RNF115: variants seen among roughly 807,000 people sequenced by gnomAD.
RNF115 encodes the protein ring finger protein 115.
A neutral mutation model predicts 39.2 loss-of-function variants in RNF115; 31 were observed. That is an observed-to-expected ratio of 0.79 (90% confidence interval 0.59 to 1.07). RNF115 has a LOEUF of 1.07. Ranked by LOEUF, RNF115 falls within the 50% of genes least tolerant of loss-of-function variation. The pLI, the probability that RNF115 is intolerant of heterozygous loss-of-function variation, is 0.00. For missense variants in RNF115, 384 were observed against 381.7 expected, an observed-to-expected ratio of 1.01 and a Z score of -0.05; for synonymous variants, 124 against 131.0, an observed-to-expected ratio of 0.95 and a Z score of 0.37.
chr1:145,756,831 CTTT>C (rs142073195), intron 4 of RNF115, among the ~76,000 whole-genome samples: 3 of 67,830 alleles, frequency 4.4e-5, no homozygotes, highest in Admixed American at 3.9e-4. Context: ...TTTCTAGCTT[CTTT>C]TTTTTTTTTT....
rs587649068 is a variant in RNF115 at position 145,747,968 on chromosome 1, A to G, written c.783+27T>C. 357 of 1,441,790 alleles carry G rather than the reference A, an allele frequency of 2.5e-4. 4 individuals carry two copies. In the South Asian group the frequency reaches 3.9e-3, roughly 16 times the overall value. The allele number at this position is 1,441,790 out of a possible 1,614,324, so 89.3% of individuals were successfully genotyped here. On this transcript the variant is annotated intron_variant, in intron 8 of 8. Transcript: ENST00000582693. Reference sequence around the variant, plus strand: ...ATACCTTTACTCTGAATCATCCCCCAAAGAAGCCATGACTTGCTGTACTCA... The same window carrying G: ...ATACCTTTACTCTGAATCATCCCCCGAAGAAGCCATGACTTGCTGTACTCA...
intron 1 of RNF115, among the ~76,000 whole-genome samples, chr1:145,800,082 C>T (rs1236399606): frequency 6.6e-6 from 1 of 152,146 alleles, no homozygotes; most frequent in Non-Finnish European, 1.5e-5. Context: ...TTGAAATTTT[C>T]CATGATAAAG....
At chr1:145,820,121 T>C (rs1187656221) in intron 1 of RNF115, among the ~76,000 whole-genome samples, 1 of 148,930 alleles carries the variant, frequency 6.7e-6, no homozygotes, top group Non-Finnish European at 1.5e-5. Flanking sequence ...TAGTTCAACA[T>C]AGGCAAATCA....
intron 4 of RNF115, among the ~76,000 whole-genome samples, chr1:145,767,207 C>G (rs1647365021): frequency 2.0e-5 from 3 of 151,830 alleles, no homozygotes; most frequent in Non-Finnish European, 4.4e-5. Flanking sequence ...ACGCTCCTCA[C>G]TTCCCAGACG....
intron 4 of RNF115, among the ~76,000 whole-genome samples, chr1:145,755,362 G>A (rs1658258729): frequency 1.3e-5 from 2 of 152,020 alleles, no homozygotes; most frequent in African/African-American, 4.8e-5. Flanking sequence ...ATGAGGAACT[G>A]AGTACTGCCA....
chr1:145,795,168 A>G (rs587597308), intron 1 of RNF115, among the ~76,000 whole-genome samples: 5 of 152,006 alleles, frequency 3.3e-5, no homozygotes, highest in African/African-American at 7.2e-5. Flanking sequence ...TACAGCTCTT[A>G]AAGTTGGCAC....
chr1:145,796,493 C>T (rs1298098189), intron 1 of RNF115, among the ~76,000 whole-genome samples: 1 of 150,962 alleles, frequency 6.6e-6, no homozygotes, highest in African/African-American at 2.4e-5. Flanking sequence ...GTGGCATGAT[C>T]TCAACTCATT....
chr1:145,755,721 T>C lies in RNF115; in HGVS notation c.429-2672A>G, dbSNP rs116746633. Reference sequence around the variant, plus strand: ...ACTTTGAGGAGAGCATCAGTGAAGTTTGAAGAGCCTTAAAAAAAAACAGAA... The same window carrying C: ...ACTTTGAGGAGAGCATCAGTGAAGTCTGAAGAGCCTTAAAAAAAAACAGAA... On this transcript the variant is annotated intron_variant, in intron 4 of 8. Transcript: ENST00000582693. Among the ~76,000 whole-genome samples the C allele has an allele frequency of 7.0e-3, 1,060 of 152,142 alleles. 4 individuals are homozygous for C. Among genetic ancestry groups the C allele is most frequent in the Non-Finnish European group, 0.011 (752 of 67,992 alleles).
chr1:145,784,549 TGTG>T lies in RNF115; in HGVS notation c.206_208del (p.Thr69_His70delinsAsn). The T allele has an allele frequency of 6.2e-7, 1 of 1,613,890 alleles. No homozygotes were observed. Among genetic ancestry groups the T allele is most frequent in the Non-Finnish European group, 8.5e-7 (1 of 1,179,846 alleles). Reference sequence around the variant, plus strand: ...TAAAGGAAAACTTACCTCTGCAAAATGTGTTGTTGTGGTATTGTCTATCCGACT... The same window carrying T: ...TAAAGGAAAACTTACCTCTGCAAAATTTGTTGTGGTATTGTCTATCCGACT... On this transcript the variant is annotated inframe_deletion, in exon 3 of 9. Coordinates refer to ENST00000582693, the MANE Select transcript of RNF115 (RefSeq NM_014455.4).
chr1:145,818,913 AAG>A (rs1282479201), intron 1 of RNF115, among the ~76,000 whole-genome samples: 2 of 148,722 alleles, frequency 1.3e-5, no homozygotes, highest in South Asian at 4.3e-4. Context: ...TAAAGAAAAA[AAG>A]AGAGACGATC....
intron 3 of RNF115, among the ~76,000 whole-genome samples, chr1:145,776,207 C>T (rs1372242793): frequency 6.7e-6 from 1 of 149,360 alleles, no homozygotes; most frequent in Non-Finnish European, 1.5e-5. Flanking sequence ...CTCTGTCACC[C>T]AGGCTGGAGT....
rs1650474723 is a variant in RNF115 at position 145,824,072 on chromosome 1, CAA to C, written c.-201_-200del. On this transcript the variant is annotated 5_prime_UTR_variant, in exon 1 of 9. Coordinates refer to ENST00000582693, the MANE Select transcript of RNF115 (RefSeq NM_014455.4). Reference sequence around the variant, plus strand: ...TACCCTGCGGCCCGCCTCCCAGCACCAAAGAGGCGCAGGAAGGAGAGACAAAC... The same window carrying C: ...TACCCTGCGGCCCGCCTCCCAGCACCAGAGGCGCAGGAAGGAGAGACAAAC... The C allele has an allele frequency of 2.1e-6, 1 of 468,530 alleles. No individual in the cohort carries two copies. Among genetic ancestry groups the C allele is most frequent in the South Asian group, 3.2e-5 (1 of 31,074 alleles). The allele number at this position is 468,530 out of a possible 1,614,324, so 29.0% of individuals were successfully genotyped here. A position where few individuals can be genotyped will look rare whatever the true frequency, so the allele number is the denominator to read the frequency against.
chr1:145,769,760 T>TAA (rs11286047), intron 4 of RNF115, among the ~76,000 whole-genome samples: 51,741 of 125,282 alleles, frequency 0.41, 11,174 homozygotes, highest in East Asian at 0.67. Flanking sequence ...TAAAAATCCT[T>TAA]AAAAAAAAAA....
At chr1:145,822,246 T>C (rs1384697416) in intron 1 of RNF115, among the ~76,000 whole-genome samples, 3 of 151,918 alleles carry the variant, frequency 2.0e-5, no homozygotes, top group East Asian at 3.9e-4. Flanking sequence ...GAGACTCTCT[T>C]GAACCCGGCA....
rs2101623640 is a variant in RNF115, at chr1:145,823,980, C to G, written c.-107G>C. The G allele has an allele frequency of 5.0e-6, 4 of 806,278 alleles. No homozygotes were observed. Among genetic ancestry groups the G allele is most frequent in the East Asian group, 3.4e-5 (1 of 29,506 alleles). The allele number at this position is 806,278 out of a possible 1,614,324, so 49.9% of individuals were successfully genotyped here. ...CCGCCGCCGCCGCCTCGGTGCGGCC[C>G]ACCGCTTCAGAGCCCGCGTCGGTCA... On this transcript the variant is annotated 5_prime_UTR_variant, in exon 1 of 9. Coordinates refer to ENST00000582693, the MANE Select transcript of RNF115 (RefSeq NM_014455.4).
chr1:145,752,628 G>A (rs587715902), intron 5 of RNF115, among the ~76,000 whole-genome samples: 48 of 101,274 alleles, frequency 4.7e-4, no homozygotes, highest in African/African-American at 1.9e-3. Context: ...TCTTTCTGTC[G>A]CCCAAGCTGG....
At chr1:145,787,330 T>C (rs773969996) in intron 2 of RNF115, among the ~76,000 whole-genome samples, 2 of 152,184 alleles carry the variant, frequency 1.3e-5, no homozygotes, top group Admixed American at 6.5e-5. Context: ...TCCCAACACT[T>C]TGGGAGGCCA....
At chr1:145,794,977 A>G (rs1648896983) in intron 1 of RNF115, among the ~76,000 whole-genome samples, 2 of 142,278 alleles carry the variant, frequency 1.4e-5, no homozygotes, top group Admixed American at 7.8e-5. Context: ...AGATCGCGCC[A>G]CCGCACTCCA....
chr1:145,780,535 G>A (rs367567661), intron 3 of RNF115, among the ~76,000 whole-genome samples: 40 of 145,974 alleles, frequency 2.7e-4, no homozygotes, highest in East Asian at 1.3e-3. Context: ...CAGGATAATC[G>A]CTTGAACCCA....
Sources: gnomAD v4.1 joint callset for allele counts (sites outside exome capture counted in the v4.1 genomes callset) on GRCh38, gnomAD v4.1.1 for gene constraint, MANE v1.5 for transcripts, NCBI Gene and HGNC (gene_info 2026-07-23, HGNC 2026-07-21) for gene names.